The following XKR9 variants were observed in gnomAD, a reference collection of about 807,000 sequenced individuals.
The protein encoded by XKR9 is XK-related protein 9.
Under a neutral mutation model 32.0 loss-of-function variants are expected in XKR9, and 32 were observed. That is an observed-to-expected ratio of 1.00 (90% CI 0.76 to 1.34). The LOEUF (loss-of-function observed/expected upper bound fraction) is 1.34, where lower values mean the gene tolerates loss of function less well. XKR9 is among the 40% of genes most tolerant of loss of function. The pLI is 0.00. For missense variants in XKR9, 546 were observed against 429.7 expected, an observed-to-expected ratio of 1.27 and a Z score of -2.39; for synonymous variants, 168 against 143.4, an observed-to-expected ratio of 1.17 and a Z score of -1.22.
chr8:70,906,227 G>C, the XKR9 span, among the ~76,000 whole-genome samples: 27 of 152,234 alleles, frequency 1.8e-4, no homozygotes, highest in Non-Finnish European at 3.5e-4. Flanking sequence ...GCCCCTAGAG[G>C]TGGAGTCTGC....
At chr8:70,736,168 A>T (rs1039564629), downstream of XKR9, among the ~76,000 whole-genome samples, 120 of 152,092 alleles carry the variant, frequency 7.9e-4, no homozygotes, top group Middle Eastern at 3.4e-3. Context: ...AACTGGTGTG[A>T]GATGGTATCT....
chr8:70,733,282 T>A (rs900886079), intron 4 of XKR9, among the ~76,000 whole-genome samples: 2 of 152,144 alleles, frequency 1.3e-5, no homozygotes, highest in African/African-American at 4.8e-5. Flanking sequence ...ATATCTCATA[T>A]TAAATTTTCT....
chr8:70,778,326 A>T (rs1406922541), intron 2 of XKR9, among the ~76,000 whole-genome samples: 1 of 152,202 alleles, frequency 6.6e-6, no homozygotes, highest in African/African-American at 2.4e-5. Context: ...TGGTACCAGT[A>T]CCATGCTGTT....
At chr8:70,775,769 G>A (rs1386723003) in intron 2 of XKR9, among the ~76,000 whole-genome samples, 1 of 148,600 alleles carries the variant, frequency 6.7e-6, no homozygotes, top group Admixed American at 6.7e-5. Flanking sequence ...TTTGAGACAA[G>A]GTCTAAGTCT....
the XKR9 span, among the ~76,000 whole-genome samples, chr8:70,982,884 G>T: frequency 6.6e-6 from 1 of 152,066 alleles, no homozygotes; most frequent in Non-Finnish European, 1.5e-5. Context: ...TTTCTAAGTG[G>T]TATTTTTACT....
At chr8:70,731,704 G>T (rs1285717562) in intron 4 of XKR9, among the ~76,000 whole-genome samples, 3 of 152,110 alleles carry the variant, frequency 2.0e-5, no homozygotes, top group Non-Finnish European at 4.4e-5. Flanking sequence ...TTCACAATGG[G>T]TGATCTCTGG....
intron 2 of XKR9, among the ~76,000 whole-genome samples, chr8:70,677,079 A>G (rs1454101040): frequency 6.6e-6 from 1 of 151,726 alleles, no homozygotes; most frequent in Non-Finnish European, 1.5e-5. Context: ...ATGTTCTCAG[A>G]CTATAAAGTT....
chr8:70,938,445 G>A, the XKR9 span, among the ~76,000 whole-genome samples: 6 of 151,878 alleles, frequency 4.0e-5, no homozygotes, highest in East Asian at 1.9e-4. Context: ...GATGCCACTT[G>A]GGATCATTGC....
the XKR9 span, among the ~76,000 whole-genome samples, chr8:70,852,868 G>A: frequency 2.0e-5 from 3 of 152,124 alleles, no homozygotes; most frequent in Non-Finnish European, 4.4e-5. Flanking sequence ...GACAGGAAAA[G>A]GAGGGATAGC....
At chr8:71,040,710 A>G in the XKR9 span, among the ~76,000 whole-genome samples, 1 of 152,138 alleles carries the variant, frequency 6.6e-6, no homozygotes, top group African/African-American at 2.4e-5. Context: ...TAACTTATAC[A>G]TATAATTTTG....
intron 2 of XKR9, among the ~76,000 whole-genome samples, chr8:70,758,601 G>A (rs563349359): frequency 2.0e-5 from 3 of 152,270 alleles, no homozygotes; most frequent in African/African-American, 7.2e-5. Context: ...TGCTCTGGAA[G>A]ACCCAGGTCC....
downstream of XKR9, among the ~76,000 whole-genome samples, chr8:70,740,815 G>A (rs1031075928): frequency 2.6e-5 from 4 of 152,168 alleles, no homozygotes; most frequent in African/African-American, 7.2e-5. Flanking sequence ...CTGTCTGATC[G>A]TTCCTCTGAA....
chr8:70,750,000 G>A (rs1196659480), intron 2 of XKR9, among the ~76,000 whole-genome samples: 1 of 152,120 alleles, frequency 6.6e-6, no homozygotes, highest in Non-Finnish European at 1.5e-5. Context: ...TTGGAAGTAT[G>A]TATAAATGCG....
At chr8:70,784,917 T>G (rs2130259053) in intron 2 of XKR9, among the ~76,000 whole-genome samples, 1 of 152,128 alleles carries the variant, frequency 6.6e-6, no homozygotes, top group South Asian at 2.1e-4. Context: ...CATGAAAGGA[T>G]GTCGAATTTA....
At chr8:70,761,548 TA>T (rs1261419264) in intron 2 of XKR9, among the ~76,000 whole-genome samples, 1 of 151,916 alleles carries the variant, frequency 6.6e-6, no homozygotes, top group Non-Finnish European at 1.5e-5. Flanking sequence ...ATGAGGCTGT[TA>T]GTTTTTTCTT....
At chr8:71,025,225 C>A in the XKR9 span, among the ~76,000 whole-genome samples, 1 of 152,080 alleles carries the variant, frequency 6.6e-6, no homozygotes, top group East Asian at 1.9e-4. Flanking sequence ...TTCCTGGAGA[C>A]GAAATGAGTT....
the XKR9 span, among the ~76,000 whole-genome samples, chr8:70,956,644 C>A: frequency 4.6e-5 from 7 of 152,154 alleles, no homozygotes; most frequent in Non-Finnish European, 4.4e-5. Flanking sequence ...CTGAGCCACC[C>A]TCAGACCCCA....
intron 2 of XKR9, among the ~76,000 whole-genome samples, chr8:70,744,328 C>A (rs1899868): frequency 6.6e-6 from 1 of 151,800 alleles, no homozygotes; most frequent in African/African-American, 2.4e-5. Context: ...AAAAATCTTT[C>A]TGTAATATTT....
chr8:71,060,982 G>T, the XKR9 span, among the ~76,000 whole-genome samples: 8 of 152,162 alleles, frequency 5.3e-5, no homozygotes, highest in East Asian at 1.9e-4. Context: ...TATTGAGGGC[G>T]TATGTACCAG....
Sources: allele counts gnomAD v4.1 joint callset (sites outside exome capture counted in the v4.1 genomes callset), GRCh38; gene constraint gnomAD v4.1.1; transcripts MANE v1.5; gene names NCBI Gene and HGNC (gene_info 2026-07-23, HGNC 2026-07-21).